Variants in CCDC102B observed in about 807,000 individuals in gnomAD.
The protein encoded by CCDC102B is coiled-coil domain-containing protein 102B.
In CCDC102B, 75 loss-of-function variants were observed where a neutral mutation model predicts 57.4. That is an observed-to-expected ratio of 1.31 (90% confidence interval 1.08 to 1.58). CCDC102B has a LOEUF of 1.58. Among genes scored for constraint, CCDC102B ranks in the 40% most tolerant of loss-of-function variants. The probability of loss-of-function intolerance (pLI) is 0.00; values close to 1 mark genes in which losing one functional copy is unlikely to be tolerated. For missense variants in CCDC102B, 636 were observed against 582.6 expected, an observed-to-expected ratio of 1.09 and a Z score of -0.94; for synonymous variants, 206 against 201.9, an observed-to-expected ratio of 1.02 and a Z score of -0.17.
At chr18:69,055,204 C>A, downstream of CCDC102B, 1 of 929,024 alleles carries the variant, frequency 1.1e-6, no homozygotes, top group Non-Finnish European at 1.3e-6. Context: ...ATTGTAAAAG[C>A]CTTTGTCATT....
Position 68,838,810 on chromosome 18 carries a change from G to A in CCDC102B, c.711G>A (p.Thr237=), listed in dbSNP as rs147553785. 2.7e-4 allele frequency: 438 copies of A among 1,613,956 alleles called. No homozygotes were observed. Among genetic ancestry groups the A allele is most frequent in the Non-Finnish European group, 3.3e-4 (385 of 1,179,944 alleles). ...FNNGGSGNGE[T]KTGLRLKAIN... ...ATGGTGGTTCTGGAAACGGTGAAAC[G>A]AAAACTGGGCTGAGACTGAAAGCAA... The change falls in exon 3 of 8, where the codon ACG becomes ACA. Residue 237 remains threonine (T), a synonymous_variant. Transcript: ENST00000360242.
At chr18:68,939,449 C>A (rs896892533) in intron 6 of CCDC102B, among the ~76,000 whole-genome samples, 2 of 151,626 alleles carry the variant, frequency 1.3e-5, no homozygotes, top group Non-Finnish European at 3.0e-5. Flanking sequence ...TTCCAAACAT[C>A]ATTCTTGATG....
At chr18:68,727,508 A>G (rs1417967858) in intron 2 of CCDC102B, among the ~76,000 whole-genome samples, 2 of 152,248 alleles carry the variant, frequency 1.3e-5, no homozygotes, top group Non-Finnish European at 2.9e-5. Context: ...ACGTGGAAGT[A>G]ACTTCACAGA....
intron 6 of CCDC102B, among the ~76,000 whole-genome samples, chr18:68,916,908 G>T (rs1188041881): frequency 6.6e-6 from 1 of 152,212 alleles, no homozygotes; most frequent in Non-Finnish European, 1.5e-5. Flanking sequence ...CTGGACAGGA[G>T]CCCTGTGTGG....
At chr18:68,754,495 C>T (rs551512826) in intron 2 of CCDC102B, 37 of 152,362 alleles carry the variant, frequency 2.4e-4, no homozygotes, top group African/African-American at 8.7e-4. Context: ...GGCATGGTGG[C>T]TCACAGCTGT....
intron 5 of CCDC102B, among the ~76,000 whole-genome samples, chr18:68,883,485 A>G (rs964493012): frequency 1.3e-5 from 2 of 152,190 alleles, no homozygotes; most frequent in African/African-American, 2.4e-5. Flanking sequence ...AACAGAAAAT[A>G]GGAGGGTTGG....
chr18:68,983,919 AT>A (rs2050658423), intron 6 of CCDC102B, among the ~76,000 whole-genome samples: 2 of 152,028 alleles, frequency 1.3e-5, no homozygotes, highest in African/African-American at 4.8e-5. Context: ...AATACAAAAA[AT>A]ATCATCACAA....
chr18:68,871,346 T>TCATA (rs1363508231), intron 4 of CCDC102B, among the ~76,000 whole-genome samples: 4 of 152,198 alleles, frequency 2.6e-5, no homozygotes, highest in Non-Finnish European at 4.4e-5. Flanking sequence ...TGGATGACAT[T>TCATA]CATAATTCCA....
chr18:68,779,546 C>T (rs2034936549), intron 2 of CCDC102B, among the ~76,000 whole-genome samples: 1 of 120,650 alleles, frequency 8.3e-6, no homozygotes, highest in South Asian at 3.5e-4. Context: ...CATGTTAGCA[C>T]AACAATACGT....
At chr18:68,786,018 A>G (rs1490848425) in intron 2 of CCDC102B, among the ~76,000 whole-genome samples, 2 of 151,702 alleles carry the variant, frequency 1.3e-5, no homozygotes, top group Non-Finnish European at 2.9e-5. Context: ...AGGTGTAAGG[A>G]AGGGATCCAG....
rs2036338114 is a variant in CCDC102B at position 68,813,199 on chromosome 18, CTCTG to C, written c.-16+15022_-16+15025del. 1.3e-5 allele frequency among the ~76,000 whole-genome samples: 2 copies of C among 152,118 alleles called. 1 individual carries two copies. Among genetic ancestry groups the C allele is most frequent in the South Asian group, 4.2e-4 (2 of 4,818 alleles). On this transcript the variant is annotated intron_variant, in intron 1 of 7. Transcript: ENST00000360242. ...TTCCCACTTCTCTCTCTCTCTCTCT[CTCTG>C]TCTCTCTCCTGTTTCGCCATAATAA...
At chr18:68,911,274 T>C (rs1366567127) in intron 6 of CCDC102B, among the ~76,000 whole-genome samples, 1 of 152,196 alleles carries the variant, frequency 6.6e-6, no homozygotes, top group East Asian at 1.9e-4. Context: ...AATGGGATTA[T>C]ATACTTTGCA....
At chr18:68,864,734 C>T (rs2144893771) in intron 4 of CCDC102B, among the ~76,000 whole-genome samples, 1 of 152,034 alleles carries the variant, frequency 6.6e-6, no homozygotes, top group East Asian at 1.9e-4. Flanking sequence ...TTCTCTTGCT[C>T]ATTATTACAT....
chr18:68,911,938 A>G (rs945525808), intron 6 of CCDC102B, among the ~76,000 whole-genome samples: 3 of 151,932 alleles, frequency 2.0e-5, no homozygotes, highest in African/African-American at 7.2e-5. Flanking sequence ...GTCAGCATAC[A>G]TTTACTTAGT....
At chr18:69,004,137 A>G (rs79852084) in intron 6 of CCDC102B, among the ~76,000 whole-genome samples, 2,270 of 152,266 alleles carry the variant, frequency 0.015, 49 homozygotes, top group East Asian at 0.082. Flanking sequence ...TTTTGCTAGG[A>G]AATTTAATTG....
intron 6 of CCDC102B, among the ~76,000 whole-genome samples, chr18:68,956,395 T>TAAAA (rs1568352048): frequency 1.0e-4 from 5 of 48,630 alleles, no homozygotes; most frequent in Non-Finnish European, 2.3e-4. Context: ...ATAATATATA[T>TAAAA]ATAAATATAT....
chr18:68,902,068 C>T (rs1599660468), intron 6 of CCDC102B: 2 of 152,292 alleles, frequency 1.3e-5, no homozygotes, highest in South Asian at 2.1e-4. Flanking sequence ...GCACTTTGCC[C>T]ATGGCAATTA....
At chr18:68,731,805 T>A (rs991503478) in intron 2 of CCDC102B, among the ~76,000 whole-genome samples, 2 of 149,246 alleles carry the variant, frequency 1.3e-5, no homozygotes, top group South Asian at 4.3e-4. Flanking sequence ...AGACAGACAA[T>A]AGTCTTGAGA....
chr18:68,740,545 A>C (rs2145221347), intron 2 of CCDC102B, among the ~76,000 whole-genome samples: 1 of 152,302 alleles, frequency 6.6e-6, no homozygotes, highest in Non-Finnish European at 1.5e-5. Flanking sequence ...TGTGAGATTG[A>C]CATATGATGG....
Sources: allele counts gnomAD v4.1 joint callset (sites outside exome capture counted in the v4.1 genomes callset), GRCh38; gene constraint gnomAD v4.1.1; transcripts MANE v1.5; gene names NCBI Gene and HGNC (gene_info 2026-07-23, HGNC 2026-07-21).